KLHL13: variants seen among roughly 807,000 people sequenced by gnomAD.
The protein encoded by KLHL13 is kelch-like protein 13.
A neutral mutation model predicts 37.1 loss-of-function variants in KLHL13; 10 were observed. The ratio of observed to expected loss-of-function variants is 0.27; its 90% CI spans 0.17 to 0.46. The LOEUF (loss-of-function observed/expected upper bound fraction) is 0.46, where lower values mean the gene tolerates loss of function less well. Ranked by LOEUF, KLHL13 falls within the 20% of genes least tolerant of loss-of-function variation. The probability of loss-of-function intolerance (pLI) is 1.00; values close to 1 mark genes in which losing one functional copy is unlikely to be tolerated. For missense variants in KLHL13, 360 were observed against 509.3 expected, an observed-to-expected ratio of 0.71 and a Z score of 2.82; for synonymous variants, 163 against 181.2, an observed-to-expected ratio of 0.90 and a Z score of 0.81.
chrX:117,994,295 C>T (rs2053829193), intron 1 of KLHL13, among the ~76,000 whole-genome samples: 1 of 109,931 alleles, frequency 9.1e-6, no homozygotes, highest in Non-Finnish European at 1.9e-5. Context: ...GTTCTGTCAC[C>T]CAGGCTGGAG....
chrX:118,104,522 G>A (rs1274346648), intron 1 of KLHL13, among the ~76,000 whole-genome samples: 3 of 111,636 alleles, frequency 2.7e-5, no homozygotes, highest in African/African-American at 6.5e-5. Context: ...ATACCTTTAT[G>A]ACAAATACAA....
chrX:117,908,772 G>C (rs182908333), intron 5 of KLHL13, among the ~76,000 whole-genome samples: 107 of 111,950 alleles, frequency 9.6e-4, no homozygotes, highest in African/African-American at 2.9e-3. Context: ...AACAGTCATA[G>C]ATCATAATAT....
chrX:117,958,700 C>T (rs2053242651), intron 1 of KLHL13, among the ~76,000 whole-genome samples: 1 of 109,200 alleles, frequency 9.2e-6, no homozygotes, highest in African/African-American at 3.3e-5. Flanking sequence ...AGTCAGGATA[C>T]TTGCTTGCTA....
chrX:118,062,833 G>A (rs1440961887), intron 1 of KLHL13, among the ~76,000 whole-genome samples: 18 of 111,010 alleles, frequency 1.6e-4, no homozygotes. Context: ...ACAGAGACCT[G>A]AACCAGGAGA....
intron 1 of KLHL13, among the ~76,000 whole-genome samples, chrX:118,112,982 T>C (rs921627700): frequency 8.9e-6 from 1 of 112,214 alleles, no homozygotes; most frequent in Non-Finnish European, 1.9e-5. Flanking sequence ...AAAATAAAAT[T>C]TCCAACCTTC....
intron 1 of KLHL13, among the ~76,000 whole-genome samples, chrX:118,003,361 C>T (rs5956843): frequency 0.064 from 7,097 of 111,439 alleles, 535 homozygotes; most frequent in African/African-American, 0.22. Context: ...TTTTTTTAAA[C>T]TCTTTCTTCT....
intron 6 of KLHL13, among the ~76,000 whole-genome samples, chrX:117,901,239 T>G (rs921338681): frequency 9.0e-6 from 1 of 111,494 alleles, no homozygotes; most frequent in Non-Finnish European, 1.9e-5. Context: ...AATGATACAC[T>G]CCTTCACATA....
chrX:118,020,499 C>A (rs12397001), intron 1 of KLHL13, among the ~76,000 whole-genome samples: 1 of 110,447 alleles, frequency 9.1e-6, no homozygotes, highest in Non-Finnish European at 1.9e-5. Context: ...ACAACAGGTG[C>A]TGGAGAGGAT....
chrX:118,096,121 A>G (rs1306379926), intron 1 of KLHL13, among the ~76,000 whole-genome samples: 1 of 112,065 alleles, frequency 8.9e-6, no homozygotes, highest in Non-Finnish European at 1.9e-5. Context: ...AACCCTTCAA[A>G]AAATTAATGA....
intron 1 of KLHL13, among the ~76,000 whole-genome samples, chrX:117,952,053 C>T (rs1462326363): frequency 1.8e-5 from 2 of 111,528 alleles, no homozygotes; most frequent in Non-Finnish European, 3.8e-5. Flanking sequence ...GAAAAAACTA[C>T]TTTAAAGTTC....
upstream of KLHL13, among the ~76,000 whole-genome samples, chrX:117,975,819 TAG>T (rs1384388918): frequency 8.9e-6 from 1 of 111,976 alleles, no homozygotes; most frequent in African/African-American, 3.3e-5. Flanking sequence ...CAAGTTAAGG[TAG>T]AGTTTTCCAA....
At chrX:117,973,234 A>G (rs1268707805) in exon 1 of KLHL13, 1 of 961,917 alleles carries the variant, frequency 1.0e-6, no homozygotes, top group Non-Finnish European at 1.3e-6. Flanking sequence ...TTCTGCACCT[A>G]TTAACCTGAT....
chrX:118,103,488 T>C (rs751682885), intron 1 of KLHL13, among the ~76,000 whole-genome samples: 28 of 111,868 alleles, frequency 2.5e-4, no homozygotes, highest in Non-Finnish European at 4.5e-4. Flanking sequence ...TGAAAAAGTG[T>C]AAAATGACAT....
At chrX:118,016,766 G>A (rs1192561935) in intron 1 of KLHL13, among the ~76,000 whole-genome samples, 2 of 111,344 alleles carry the variant, frequency 1.8e-5, no homozygotes, top group African/African-American at 6.5e-5. Flanking sequence ...TTTATGTAGG[G>A]TATGGAATTC....
chrX:117,908,136 C>CAA (rs1465443877), intron 5 of KLHL13, among the ~76,000 whole-genome samples: 4 of 107,763 alleles, frequency 3.7e-5, no homozygotes, highest in Admixed American at 1.0e-4. Context: ...AATCCTGCTT[C>CAA]AGCCTCCCTA....
chrX:118,100,339 G>A (rs1230355789), intron 1 of KLHL13, among the ~76,000 whole-genome samples: 1 of 111,217 alleles, frequency 9.0e-6, no homozygotes, highest in Non-Finnish European at 1.9e-5. Context: ...GTTTATTGGC[G>A]TAACGTGAAA....
At chrX:117,916,917 G>A (rs2147677892) in intron 4 of KLHL13, among the ~76,000 whole-genome samples, 1 of 111,783 alleles carries the variant, frequency 8.9e-6, no homozygotes, top group Non-Finnish European at 1.9e-5. Context: ...TAATAACTTA[G>A]CTCATGGAAG....
intron 1 of KLHL13, among the ~76,000 whole-genome samples, chrX:118,078,245 A>C (rs2148125684): frequency 8.9e-6 from 1 of 111,802 alleles, no homozygotes; most frequent in Non-Finnish European, 1.9e-5. Context: ...TTAATTTTAA[A>C]ATTTTTAATT....
chrX:118,025,097 TCTA>T (rs1396618294), intron 1 of KLHL13, among the ~76,000 whole-genome samples: 2 of 111,804 alleles, frequency 1.8e-5, no homozygotes, highest in African/African-American at 6.5e-5. Flanking sequence ...CATCCCCTGA[TCTA>T]CTCCTGTTTT....
Sources: allele counts gnomAD v4.1 joint callset (sites outside exome capture counted in the v4.1 genomes callset), GRCh38; gene constraint gnomAD v4.1.1; transcripts MANE v1.5; gene names NCBI Gene and HGNC (gene_info 2026-07-23, HGNC 2026-07-21).